CNTNAP2: variants seen among roughly 807,000 people sequenced by gnomAD.
The protein encoded by CNTNAP2 is contactin associated protein 2, also known as contactin-associated protein-like 2.
In CNTNAP2, 98 loss-of-function variants were observed where a neutral mutation model predicts 155.2. The ratio of observed to expected loss-of-function variants is 0.63; its 90% CI spans 0.54 to 0.75. CNTNAP2 has a LOEUF of 0.75. Ranked by LOEUF, CNTNAP2 falls within the 30% of genes least tolerant of loss-of-function variation. CNTNAP2 has a pLI of 0.00. For synonymous variants in CNTNAP2, 651 were observed against 631.2 expected, an observed-to-expected ratio of 1.03 and a Z score of -0.47; for missense variants, 1,727 against 1,688.1, an observed-to-expected ratio of 1.02 and a Z score of -0.40.
At chr7:148,158,651 ACATTCT>A (rs1805452855) in intron 17 of CNTNAP2, among the ~76,000 whole-genome samples, 1 of 152,202 alleles carries the variant, frequency 6.6e-6, no homozygotes, top group East Asian at 1.9e-4. Context: ...TTTACGGTGA[ACATTCT>A]GAACCTAAGA....
At position 147,832,814 on chromosome 7, in the gene CNTNAP2, T is replaced by C. The variant is rs1798574204; in HGVS notation, c.2099-70751T>C. 2.2e-5 allele frequency among the ~76,000 whole-genome samples: 3 copies of C among 137,452 alleles called. No homozygotes were observed. In the Admixed American group the frequency reaches 2.3e-4, roughly 11 times the overall value. The allele number at this position is 137,452 out of a possible 152,430, so 90.2% of individuals were successfully genotyped here. Reference sequence around the variant, plus strand: ...ATTAACTATGTAATTTAATTATATATAGTTATATATATTTATTCTATAATA... The same window carrying C: ...ATTAACTATGTAATTTAATTATATACAGTTATATATATTTATTCTATAATA... On this transcript the variant is annotated intron_variant, in intron 13 of 23. Transcript: ENST00000361727.
rs568353522 is a variant in CNTNAP2, at chr7:146,446,820, A to G, written c.98-327451A>G. Among the ~76,000 whole-genome samples the G allele has an allele frequency of 3.9e-5, 6 of 152,160 alleles. No individual in the cohort carries two copies. In the East Asian group the frequency reaches 1.2e-3, roughly 29 times the overall value. On this transcript the variant is annotated intron_variant, in intron 1 of 23. Transcript: ENST00000361727. ...CTGCCCTACCTCAACAAAATATTCCATCGCTTTTATTGTTCTATATTCTAT... is the reference window on the plus strand; with the variant it reads ...CTGCCCTACCTCAACAAAATATTCCGTCGCTTTTATTGTTCTATATTCTAT...
At chr7:148,154,228 G>A (rs559324993) in intron 17 of CNTNAP2, among the ~76,000 whole-genome samples, 1 of 152,324 alleles carries the variant, frequency 6.6e-6, no homozygotes, top group African/African-American at 2.4e-5. Flanking sequence ...GTCTTCAGGA[G>A]GACTCAGAGA....
intron 18 of CNTNAP2, among the ~76,000 whole-genome samples, chr7:148,178,125 A>T (rs1794979622): frequency 6.6e-6 from 1 of 152,210 alleles, no homozygotes; most frequent in Admixed American, 6.5e-5. Flanking sequence ...TGCTGAAAAC[A>T]GTTCTTCATT....
At chr7:147,342,468 A>G (rs1368197673) in intron 9 of CNTNAP2, among the ~76,000 whole-genome samples, 2 of 152,174 alleles carry the variant, frequency 1.3e-5, no homozygotes, top group Non-Finnish European at 2.9e-5. Flanking sequence ...TTTCACATAC[A>G]TTATCTGATT....
chr7:146,129,600 A>C (rs1797686321), intron 1 of CNTNAP2, among the ~76,000 whole-genome samples: 1 of 152,196 alleles, frequency 6.6e-6, no homozygotes, highest in Non-Finnish European at 1.5e-5. Flanking sequence ...CTAGACCTGG[A>C]ACTAAAAGTA....
intron 21 of CNTNAP2, among the ~76,000 whole-genome samples, chr7:148,326,007 C>A (rs1307744065): frequency 6.6e-6 from 1 of 152,172 alleles, no homozygotes; most frequent in African/African-American, 2.4e-5. Context: ...TTGGACTTAC[C>A]TGTTGTCTTT....
intron 3 of CNTNAP2, among the ~76,000 whole-genome samples, chr7:147,039,676 C>T (rs889066988): frequency 2.0e-5 from 3 of 152,092 alleles, no homozygotes; most frequent in African/African-American, 7.2e-5. Flanking sequence ...TTATATTCCT[C>T]TGAGTATATT....
intron 17 of CNTNAP2, 79 bp from the exon 18 acceptor site, chr7:148,172,163 C>G: frequency 7.2e-7 from 1 of 1,388,402 alleles, no homozygotes; most frequent in Non-Finnish European, 1.0e-6. Flanking sequence ...CATCTCCTAC[C>G]ACAGTTGTTC....
At chr7:146,927,395 T>A (rs1796629297) in intron 3 of CNTNAP2, among the ~76,000 whole-genome samples, 1 of 152,162 alleles carries the variant, frequency 6.6e-6, no homozygotes, top group Non-Finnish European at 1.5e-5. Flanking sequence ...ATTAAGTAAA[T>A]CTGATTTAAA....
chr7:146,749,402 G>T (rs1311884671), intron 1 of CNTNAP2, among the ~76,000 whole-genome samples: 1 of 152,070 alleles, frequency 6.6e-6, no homozygotes, highest in African/African-American at 2.4e-5. Flanking sequence ...CAATCTCATG[G>T]ACAAGTGACA....
chr7:146,360,857 A>C (rs1795071784), intron 1 of CNTNAP2, among the ~76,000 whole-genome samples: 1 of 152,190 alleles, frequency 6.6e-6, no homozygotes, highest in African/African-American at 2.4e-5. Flanking sequence ...TTGAAGTGGC[A>C]CTTATTTCCC....
chr7:146,867,485 G>A (rs908626429), intron 3 of CNTNAP2, among the ~76,000 whole-genome samples: 4 of 152,106 alleles, frequency 2.6e-5, no homozygotes, highest in Non-Finnish European at 2.9e-5. Context: ...TGAACATCAC[G>A]TGCATGTGTC....
intron 1 of CNTNAP2, among the ~76,000 whole-genome samples, chr7:146,569,747 A>T (rs955902846): frequency 6.6e-6 from 1 of 152,206 alleles, no homozygotes; most frequent in Non-Finnish European, 1.5e-5. Context: ...CAGGAAAAAA[A>T]GGCAAAATTC....
intron 8 of CNTNAP2, among the ~76,000 whole-genome samples, chr7:147,152,058 C>A (rs1801838377): frequency 6.6e-6 from 1 of 152,196 alleles, no homozygotes; most frequent in Non-Finnish European, 1.5e-5. Flanking sequence ...CTTCTGCCCC[C>A]AAATGTGTAT....
intron 13 of CNTNAP2, among the ~76,000 whole-genome samples, chr7:147,716,481 A>G (rs1432974218): frequency 1.3e-5 from 2 of 152,068 alleles, no homozygotes; most frequent in Non-Finnish European, 2.9e-5. Flanking sequence ...AATTTCTGGC[A>G]GCTCCCACCC....
chr7:147,774,185 T>C (rs1380299381), intron 13 of CNTNAP2, among the ~76,000 whole-genome samples: 1 of 152,222 alleles, frequency 6.6e-6, no homozygotes, highest in Non-Finnish European at 1.5e-5. Flanking sequence ...GATTTTACTC[T>C]TATGCATTGT....
chr7:147,607,833 A>G (rs1355973993), intron 12 of CNTNAP2, among the ~76,000 whole-genome samples: 4 of 152,250 alleles, frequency 2.6e-5, no homozygotes, highest in Non-Finnish European at 4.4e-5. Context: ...ATTCCCCAAC[A>G]ATAATAAAAA....
chr7:147,308,562 C>G (rs754742981), intron 9 of CNTNAP2, among the ~76,000 whole-genome samples: 1 of 152,154 alleles, frequency 6.6e-6, no homozygotes, highest in Non-Finnish European at 1.5e-5. Flanking sequence ...GTCTTCCTGA[C>G]GAAAAGGCTC....
Sources: allele counts gnomAD v4.1 joint callset (sites outside exome capture counted in the v4.1 genomes callset), GRCh38; gene constraint gnomAD v4.1.1; transcripts MANE v1.5; gene names NCBI Gene and HGNC (gene_info 2026-07-23, HGNC 2026-07-21).